SYN3: variants seen among roughly 807,000 people sequenced by gnomAD.
The protein encoded by SYN3 is synapsin III.
SYN3 carries 35 observed loss-of-function variants against 65.8 expected under a neutral mutation model. The ratio of observed to expected loss-of-function variants is 0.53; its 90% CI spans 0.41 to 0.70. SYN3 has a LOEUF of 0.70. Among genes scored for constraint, SYN3 ranks in the 30% least tolerant of loss-of-function variants. The pLI is 0.00. For missense variants in SYN3, 680 were observed against 749.0 expected, an observed-to-expected ratio of 0.91 and a Z score of 1.08; for synonymous variants, 270 against 292.9, an observed-to-expected ratio of 0.92 and a Z score of 0.80.
chr22:32,713,433 C>T lies in SYN3; in HGVS notation c.712-116697G>A, dbSNP rs139955506. 1.2e-4 allele frequency among the ~76,000 whole-genome samples: 18 copies of T among 152,316 alleles called. No individual in the cohort carries two copies. The East Asian group carries it at 2.5e-3, about 21-fold the overall frequency. ...TCTCATGCAAGCCTTCAGTGGGCTCCAGCATATTGCTGAAGATCATGTGGG... is the reference window on the plus strand; with the variant it reads ...TCTCATGCAAGCCTTCAGTGGGCTCTAGCATATTGCTGAAGATCATGTGGG... On this transcript the variant is annotated intron_variant, in intron 6 of 13. Coordinates refer to ENST00000358763, the MANE Select transcript of SYN3 (RefSeq NM_003490.4).
chr22:32,569,533 ATCAATCTCTCTCTC>A (rs1367538604), intron 7 of SYN3, among the ~76,000 whole-genome samples: 21 of 93,848 alleles, frequency 2.2e-4, no homozygotes, highest in East Asian at 4.3e-4. Context: ...TCTAAAATCA[ATCAATCTCTCTCTC>A]TCTCTCTCTC....
intron 6 of SYN3, among the ~76,000 whole-genome samples, chr22:32,753,012 C>T (rs750083069): frequency 1.1e-4 from 16 of 152,114 alleles, no homozygotes; most frequent in Non-Finnish European, 1.9e-4. Context: ...AGGGGTTGGT[C>T]CCAAACAACA....
chr22:32,856,907 T>C (rs2048384827), intron 6 of SYN3, among the ~76,000 whole-genome samples: 1 of 152,194 alleles, frequency 6.6e-6, no homozygotes, highest in African/African-American at 2.4e-5. Context: ...GAGAACATGG[T>C]GTATTTGTCT....
At chr22:33,040,353 G>C (rs1328534106) in intron 1 of SYN3, among the ~76,000 whole-genome samples, 1 of 151,910 alleles carries the variant, frequency 6.6e-6, no homozygotes, top group Non-Finnish European at 1.5e-5. Context: ...CGAATGAAAG[G>C]GATGCTTTGA....
At chr22:32,561,793 G>C (rs1259680811) in intron 7 of SYN3, among the ~76,000 whole-genome samples, 1 of 152,176 alleles carries the variant, frequency 6.6e-6, no homozygotes, top group Non-Finnish European at 1.5e-5. Flanking sequence ...TGCAGGCCAG[G>C]CTCCTACGTG....
At chr22:32,630,736 G>C (rs1229792688) in intron 6 of SYN3, among the ~76,000 whole-genome samples, 1 of 152,164 alleles carries the variant, frequency 6.6e-6, no homozygotes, top group African/African-American at 2.4e-5. Context: ...TTTCCCCTTA[G>C]GACTTCCTCT....
chr22:32,715,296 T>C (rs1476659829), intron 6 of SYN3, among the ~76,000 whole-genome samples: 2 of 152,240 alleles, frequency 1.3e-5, no homozygotes, highest in Non-Finnish European at 2.9e-5. Context: ...GTCTCTGGTA[T>C]GTCCTGTAAT....
intron 6 of SYN3, among the ~76,000 whole-genome samples, chr22:32,673,199 AT>A (rs2060395520): frequency 6.6e-6 from 1 of 152,212 alleles, no homozygotes; most frequent in Non-Finnish European, 1.5e-5. Flanking sequence ...AAAGGTGGTC[AT>A]GCTTTGAAAA....
At chr22:32,668,575 T>C (rs2060322078) in intron 6 of SYN3, among the ~76,000 whole-genome samples, 2 of 151,954 alleles carry the variant, frequency 1.3e-5, no homozygotes, top group Non-Finnish European at 2.9e-5. Context: ...CACTCCTGCC[T>C]TCCCTTCTTC....
chr22:33,030,774 T>C (rs111213293), intron 1 of SYN3, among the ~76,000 whole-genome samples: 1,504 of 134,602 alleles, frequency 0.011, 13 homozygotes, highest in Middle Eastern at 0.048. Context: ...GAGAGAGAGG[T>C]AGAGACAGAT....
intron 6 of SYN3, among the ~76,000 whole-genome samples, chr22:32,746,171 T>G (rs1024021451): frequency 1.3e-5 from 2 of 152,190 alleles, no homozygotes; most frequent in South Asian, 2.1e-4. Flanking sequence ...GGAGCCCACA[T>G]AGACTGTGAG....
chr22:32,754,758 G>A (rs1314102271), intron 6 of SYN3, among the ~76,000 whole-genome samples: 1 of 152,220 alleles, frequency 6.6e-6, no homozygotes, highest in Non-Finnish European at 1.5e-5. Context: ...TGAAAGGGAA[G>A]GTGAGCGTCT....
chr22:32,975,949 C>A (rs934662891), intron 3 of SYN3, among the ~76,000 whole-genome samples: 2 of 152,242 alleles, frequency 1.3e-5, no homozygotes, highest in African/African-American at 4.8e-5. Flanking sequence ...ATCACCTGGT[C>A]TTTATGGTCA....
chr22:32,780,934 T>TTCC lies in SYN3; in HGVS notation c.711+83980_711+83981insGGA, dbSNP rs1477484298. 8.3e-3 allele frequency among the ~76,000 whole-genome samples: 685 copies of TTCC among 82,478 alleles called. 5 individuals carry two copies. The highest frequency in any genetic ancestry group is 0.023 in the African/African-American group (401 of 17,576). 54.1% of individuals were successfully genotyped at this position (82,478 alleles called of 152,430 possible). ...CTTGCTTCCTTCCTTCCTTCCTTCC[T>TTCC]TTCCTTCCTTCCTTCCTTCCTTCCT... On this transcript the variant is annotated intron_variant, in intron 6 of 13. Transcript: ENST00000358763.
At chr22:32,723,533 C>T (rs777863554) in intron 6 of SYN3, among the ~76,000 whole-genome samples, 7 of 151,942 alleles carry the variant, frequency 4.6e-5, no homozygotes, top group Non-Finnish European at 1.0e-4. Context: ...CAAGTTGGGC[C>T]CAAGAATCTG....
chr22:32,694,201 A>G (rs2060705821), intron 6 of SYN3, among the ~76,000 whole-genome samples: 1 of 152,098 alleles, frequency 6.6e-6, no homozygotes, highest in East Asian at 1.9e-4. Context: ...TGAAACACCT[A>G]TTTCTTGATT....
chr22:32,622,533 C>T (rs904786701), intron 6 of SYN3, among the ~76,000 whole-genome samples: 39 of 151,918 alleles, frequency 2.6e-4, no homozygotes, highest in East Asian at 2.0e-4. Flanking sequence ...TCCTGAGGGG[C>T]AGCTGAGGGG....
At chr22:32,696,347 C>G (rs1422436461) in intron 6 of SYN3, among the ~76,000 whole-genome samples, 1 of 152,178 alleles carries the variant, frequency 6.6e-6, no homozygotes, top group Non-Finnish European at 1.5e-5. Flanking sequence ...AAATGTGGTC[C>G]CTGCCTGGGC....
intron 3 of SYN3, among the ~76,000 whole-genome samples, chr22:32,943,801 GTC>G (rs1289997563): frequency 1.2e-4 from 19 of 152,176 alleles, no homozygotes; most frequent in Admixed American, 1.2e-3. Flanking sequence ...TGCAATCCTA[GTC>G]TCTGATAAAA....
Sources: gnomAD v4.1 joint callset for allele counts (sites outside exome capture counted in the v4.1 genomes callset) on GRCh38, gnomAD v4.1.1 for gene constraint, MANE v1.5 for transcripts, NCBI Gene and HGNC (gene_info 2026-07-23, HGNC 2026-07-21) for gene names.